CDH23: variants seen among roughly 807,000 people sequenced by gnomAD.
CDH23 encodes the protein cadherin-23.
In CDH23, 189 loss-of-function variants were observed where a neutral mutation model predicts 317.1. That is an observed-to-expected ratio of 0.60 (90% CI 0.53 to 0.67). CDH23 has a LOEUF of 0.67. CDH23 is among the 30% of genes least tolerant of loss of function. The probability of loss-of-function intolerance (pLI) is 0.00; values close to 1 mark genes in which losing one functional copy is unlikely to be tolerated. For synonymous variants in CDH23, 1,839 were observed against 1,876.8 expected (o/e 0.98, Z 0.52); for missense variants, 4,401 against 4,592.4 (o/e 0.96, Z 1.20).
chr10:71,719,846 G>C (rs911608168), intron 28 of CDH23: 2 of 152,644 alleles, frequency 1.3e-5, no homozygotes, highest in Non-Finnish European at 2.9e-5. Flanking sequence ...CCTTGGGGGA[G>C]GGGATAGCTA....
chr10:71,785,218 TG>T, intron 43 of CDH23, 118 bp downstream of exon 43: 1 of 768,356 alleles, frequency 1.3e-6, no homozygotes. Flanking sequence ...GTTCCTGCAC[TG>T]GGATGAGGAC....
At chr10:71,813,173 A>C in intron 68 of CDH23, 71 bp from the exon 69 acceptor site, 1 of 1,384,316 alleles carries the variant, frequency 7.2e-7, no homozygotes, top group Non-Finnish European at 1.0e-6. Flanking sequence ...CCTTACTCCC[A>C]GAGGGAGTGG....
chr10:71,566,245 A>G (rs966776004), intron 6 of CDH23, among the ~76,000 whole-genome samples: 3 of 152,112 alleles, frequency 2.0e-5, no homozygotes, highest in Non-Finnish European at 4.4e-5. Flanking sequence ...AAATCCACAA[A>G]CCCAGGAAGA....
chr10:71,607,935 G>C (rs115323455), intron 9 of CDH23, among the ~76,000 whole-genome samples: 2 of 152,092 alleles, frequency 1.3e-5, no homozygotes, highest in South Asian at 2.1e-4. Context: ...AAGAAAACAG[G>C]CATGGCAGGA....
At chr10:71,483,480 C>T (rs113438241) in intron 3 of CDH23, among the ~76,000 whole-genome samples, 5 of 152,290 alleles carry the variant, frequency 3.3e-5, no homozygotes, top group African/African-American at 9.6e-5. Flanking sequence ...CCTCACTTTG[C>T]CAGTCTCTCT....
chr10:71,473,716 C>G (rs1264004284), intron 3 of CDH23, among the ~76,000 whole-genome samples: 5 of 152,318 alleles, frequency 3.3e-5, no homozygotes, highest in African/African-American at 9.6e-5. Flanking sequence ...CAGAAGAACC[C>G]AACAATATTA....
intron 3 of CDH23, among the ~76,000 whole-genome samples, chr10:71,460,223 G>A (rs1247228485): frequency 6.6e-6 from 1 of 152,218 alleles, no homozygotes; most frequent in African/African-American, 2.4e-5. Context: ...GAAACTTCCA[G>A]CCCAGGGGCT....
rs547034667 is a variant in CDH23, at chr10:71,807,585, G to A, written c.8378G>A (p.Arg2793Gln). The A allele has an allele frequency of 1.8e-5, 29 of 1,613,968 alleles. No individual in the cohort carries two copies. The highest frequency in any genetic ancestry group is 1.0e-4 in the Admixed American group (6 of 60,030). Residue 2793 changes from arginine (R) to glutamine (Q), a missense_variant, in exon 59 of 70, where the codon CGG becomes CAG. Around this residue, in one of 3 missense-constraint regions of CDH23, gnomAD observed 1,144 missense variants for 1,138.2 expected, o/e 1.01. Coordinates refer to ENST00000224721, the MANE Select transcript of CDH23 (RefSeq NM_022124.6). ...GCLLVLRDLD[R>Q]EREAIFSFIV... ...CTGCTGGTGCTGCGGGACCTGGACC[G>A]GGAGCGAGAAGCCATCTTCTCCTTC...
At chr10:71,630,656 T>C (rs901792901) in intron 11 of CDH23, among the ~76,000 whole-genome samples, 6 of 152,236 alleles carry the variant, frequency 3.9e-5, no homozygotes, top group African/African-American at 1.4e-4. Context: ...ACGTTTGACA[T>C]GCTTGTTAGA....
rs75341988 is a variant in CDH23 at position 71,681,374 on chromosome 10, C to T, written c.1859-1071C>T. Among the ~76,000 whole-genome samples, 825 of 152,244 alleles carry T rather than the reference C, an allele frequency of 5.4e-3. 1 individual carries two copies. Among genetic ancestry groups the T allele is most frequent in the South Asian group, 0.017 (81 of 4,816 alleles). Reference sequence around the variant, plus strand: ...ATCAATGGCTTAGCACAAACAAGTACTAATGGAGAGATTTCAGTCGTGTGC... The same window carrying T: ...ATCAATGGCTTAGCACAAACAAGTATTAATGGAGAGATTTCAGTCGTGTGC... On this transcript the variant is annotated intron_variant, in intron 17 of 69. Transcript: ENST00000224721.
At chr10:71,530,687 G>A (rs1036749947) in intron 6 of CDH23, among the ~76,000 whole-genome samples, 1 of 152,160 alleles carries the variant, frequency 6.6e-6, no homozygotes, top group African/African-American at 2.4e-5. Flanking sequence ...CACAGCCTTC[G>A]TGACCATCAG....
At chr10:71,475,575 G>A (rs1413307414) in intron 3 of CDH23, among the ~76,000 whole-genome samples, 1 of 152,242 alleles carries the variant, frequency 6.6e-6, no homozygotes, top group African/African-American at 2.4e-5. Flanking sequence ...TTAATGCCCG[G>A]TTCCCAAGGT....
chr10:71,605,937 T>G (rs1219449756), intron 9 of CDH23, among the ~76,000 whole-genome samples: 1 of 152,234 alleles, frequency 6.6e-6, no homozygotes, highest in Non-Finnish European at 1.5e-5. Flanking sequence ...CCATAGTCCC[T>G]GGTGATGTCT....
intron 1 of CDH23, among the ~76,000 whole-genome samples, chr10:71,426,940 G>A (rs930326597): frequency 2.6e-5 from 4 of 151,954 alleles, no homozygotes; most frequent in Non-Finnish European, 5.9e-5. Context: ...GAGTCCAGGA[G>A]TTTGAGACCA....
chr10:71,638,914 G>A (rs1179688965), intron 11 of CDH23, among the ~76,000 whole-genome samples: 3 of 152,054 alleles, frequency 2.0e-5, no homozygotes, highest in Non-Finnish European at 4.4e-5. Context: ...GGGAAGTTGC[G>A]GGGCAGCCCT....
chr10:71,471,730 A>T (rs535956256), intron 3 of CDH23, among the ~76,000 whole-genome samples: 1 of 151,962 alleles, frequency 6.6e-6, no homozygotes, highest in South Asian at 2.1e-4. Context: ...TGTTCCTGCC[A>T]TTCCTGCGGC....
At chr10:71,785,243 G>A in intron 43 of CDH23, 143 bp downstream of exon 43, 3 of 669,092 alleles carry the variant, frequency 4.5e-6, no homozygotes, top group Non-Finnish European at 7.5e-6. Context: ...TCTGTGGGAA[G>A]CATGGAATCT....
intron 3 of CDH23, among the ~76,000 whole-genome samples, chr10:71,458,136 TC>T (rs1850790183): frequency 6.6e-6 from 1 of 152,212 alleles, no homozygotes; most frequent in Non-Finnish European, 1.5e-5. Context: ...TTGTCATCAC[TC>T]CCCTCATCAG....
chr10:71,796,110 CG>C, intron 48 of CDH23: 1 of 985,142 alleles, frequency 1.0e-6, no homozygotes, highest in Non-Finnish European at 1.2e-6. Context: ...TGGGGACCCA[CG>C]GAAGACAGAA....
Sources: gnomAD v4.1 joint callset for allele counts (sites outside exome capture counted in the v4.1 genomes callset) on GRCh38, gnomAD v4.1.1 for gene constraint, gnomAD v4.1.1 regional missense constraint, MANE v1.5 for transcripts, NCBI Gene and HGNC (gene_info 2026-07-23, HGNC 2026-07-21) for gene names.